Variants in ARHGAP24 observed in about 807,000 individuals in gnomAD.
The protein encoded by ARHGAP24 is rho GTPase-activating protein 24.
A neutral mutation model predicts 76.4 loss-of-function variants in ARHGAP24; 50 were observed. The ratio of observed to expected loss-of-function variants is 0.65; its 90% CI spans 0.52 to 0.83. The LOEUF (loss-of-function observed/expected upper bound fraction) is 0.83, where lower values mean the gene tolerates loss of function less well. Ranked by LOEUF, ARHGAP24 falls within the 40% of genes least tolerant of loss-of-function variation. The probability of loss-of-function intolerance (pLI) is 0.00; values close to 1 mark genes in which losing one functional copy is unlikely to be tolerated. For missense variants in ARHGAP24, 930 were observed against 914.2 expected (o/e 1.02, Z -0.22); for synonymous variants, 345 against 323.3 (o/e 1.07, Z -0.72).
At chr4:85,978,380 A>G (rs1450294302) in intron 8 of ARHGAP24, among the ~76,000 whole-genome samples, 1 of 152,106 alleles carries the variant, frequency 6.6e-6, no homozygotes, top group Non-Finnish European at 1.5e-5. Flanking sequence ...AGTCACCTGG[A>G]TTTTACTACC....
chr4:85,642,334 T>C (rs1721553584), intron 2 of ARHGAP24, among the ~76,000 whole-genome samples: 1 of 152,142 alleles, frequency 6.6e-6, no homozygotes, highest in African/African-American at 2.4e-5. Context: ...ATATATATTA[T>C]AATCTCACAC....
intron 3 of ARHGAP24, 81 bp downstream of exon 3, chr4:85,722,053 T>C: frequency 7.7e-7 from 1 of 1,295,934 alleles, no homozygotes; most frequent in Non-Finnish European, 1.1e-6. Flanking sequence ...GGTTTCATTC[T>C]TTTTTGAATC....
At chr4:85,624,196 C>T (rs947553019) in intron 2 of ARHGAP24, among the ~76,000 whole-genome samples, 4 of 152,112 alleles carry the variant, frequency 2.6e-5, no homozygotes, top group African/African-American at 9.7e-5. Flanking sequence ...AGTTTTTGCC[C>T]ATTCAGTATG....
rs1047751344 is a variant in ARHGAP24, at chr4:85,729,623, G to T, written c.268+7651G>T. Reference sequence around the variant, plus strand: ...ACCATCACTATTCGCTAGACCAGGGGCCAGCAAACCTTTTCTGGAAAGATC... The same window carrying T: ...ACCATCACTATTCGCTAGACCAGGGTCCAGCAAACCTTTTCTGGAAAGATC... On this transcript the variant is annotated intron_variant, in intron 3 of 9. Transcript: ENST00000395184. 2.6e-5 allele frequency among the ~76,000 whole-genome samples: 4 copies of T among 152,046 alleles called. No individual in the cohort carries two copies. The South Asian group carries it at 8.3e-4, about 32-fold the overall frequency.
chr4:85,510,621 T>G, intron 1 of ARHGAP24, among the ~76,000 whole-genome samples: 1 of 113,196 alleles, frequency 8.8e-6, no homozygotes. Flanking sequence ...TTCCCCTCCC[T>G]CCCCTGTCCT....
intron 3 of ARHGAP24, among the ~76,000 whole-genome samples, chr4:85,820,887 A>G (rs530885080): frequency 2.2e-4 from 33 of 152,272 alleles, no homozygotes; most frequent in Middle Eastern, 3.4e-3. Context: ...ACAAATATGT[A>G]CTTTCAAATA....
intron 3 of ARHGAP24, among the ~76,000 whole-genome samples, chr4:85,756,055 T>C (rs1309573646): frequency 6.6e-6 from 1 of 152,226 alleles, no homozygotes; most frequent in East Asian, 1.9e-4. Context: ...TAATAGATGA[T>C]ACAATACATT....
intron 2 of ARHGAP24, among the ~76,000 whole-genome samples, chr4:85,623,927 A>C (rs1720820467): frequency 6.6e-6 from 1 of 151,788 alleles, no homozygotes; most frequent in Non-Finnish European, 1.5e-5. Flanking sequence ...TGATTTTTGC[A>C]CAGTGATTTT....
intron 2 of ARHGAP24, among the ~76,000 whole-genome samples, chr4:85,669,644 AATATATATATATATATATATATAT>A (rs58332235): frequency 0.016 from 1,461 of 93,250 alleles, 59 homozygotes; most frequent in African/African-American, 0.049. Flanking sequence ...TGTACTTTCA[AATATATATATATATATATATATAT>A]ATATATATAT....
intron 3 of ARHGAP24, among the ~76,000 whole-genome samples, chr4:85,800,887 T>G (rs1728552401): frequency 6.6e-6 from 1 of 152,232 alleles, no homozygotes; most frequent in Non-Finnish European, 1.5e-5. Flanking sequence ...CATACTATTT[T>G]CAGTTGAAAG....
chr4:85,939,628 A>G (rs1736840900), intron 4 of ARHGAP24, among the ~76,000 whole-genome samples: 1 of 152,186 alleles, frequency 6.6e-6, no homozygotes, highest in African/African-American at 2.4e-5. Flanking sequence ...CTGCATGTAC[A>G]AGAAAGTAAA....
At chr4:85,477,215 C>T (rs1165350261) in intron 1 of ARHGAP24, among the ~76,000 whole-genome samples, 2 of 152,090 alleles carry the variant, frequency 1.3e-5, no homozygotes, top group African/African-American at 4.8e-5. Context: ...ATTCTTTCTG[C>T]ATGTGGAGGG....
intron 3 of ARHGAP24, among the ~76,000 whole-genome samples, chr4:85,815,710 G>C (rs1317715964): frequency 6.6e-6 from 1 of 152,136 alleles, no homozygotes; most frequent in Non-Finnish European, 1.5e-5. Flanking sequence ...CCTCCAAACT[G>C]TTCCAGCCTC....
chr4:85,747,899 A>G lies in ARHGAP24; in HGVS notation c.268+25927A>G, dbSNP rs73833233. ...AATAAGTAAAGAAGATTTGGAGGGG[A>G]CAATGTTTTAAAATTTTGTGAGTGA... On this transcript the variant is annotated intron_variant, in intron 3 of 9. Coordinates refer to ENST00000395184, the MANE Select transcript of ARHGAP24 (RefSeq NM_001025616.3). Among the ~76,000 whole-genome samples the G allele has an allele frequency of 9.9e-3, 1,514 of 152,358 alleles. 26 individuals carry two copies. Among genetic ancestry groups the G allele is most frequent in the African/African-American group, 0.034 (1,411 of 41,584 alleles).
intron 3 of ARHGAP24, among the ~76,000 whole-genome samples, chr4:85,729,419 C>T (rs576446469): frequency 1.3e-5 from 2 of 152,136 alleles, no homozygotes; most frequent in Admixed American, 6.5e-5. Flanking sequence ...TAACATGGTA[C>T]AAAGAACGTT....
chr4:85,937,093 C>T (rs1156399458), intron 4 of ARHGAP24, among the ~76,000 whole-genome samples: 2 of 152,104 alleles, frequency 1.3e-5, no homozygotes, highest in Admixed American at 6.6e-5. Flanking sequence ...CGGCATGATC[C>T]GATTGAAATA....
At chr4:85,694,430 A>G (rs1443278113) in intron 2 of ARHGAP24, among the ~76,000 whole-genome samples, 1 of 152,122 alleles carries the variant, frequency 6.6e-6, no homozygotes, top group Non-Finnish European at 1.5e-5. Flanking sequence ...TAGGACCTTT[A>G]TCTGTCCTAT....
intron 2 of ARHGAP24, among the ~76,000 whole-genome samples, chr4:85,610,073 G>A (rs1720328101): frequency 1.3e-5 from 2 of 152,114 alleles, no homozygotes; most frequent in Non-Finnish European, 2.9e-5. Context: ...GTCCCTGAGG[G>A]TGTAGACTAA....
intron 2 of ARHGAP24, among the ~76,000 whole-genome samples, chr4:85,591,030 GGTTTTTTTTTTTT>G (rs1728075352): frequency 8.2e-6 from 1 of 121,854 alleles, no homozygotes; most frequent in African/African-American, 3.2e-5. Context: ...AAATCTGCTG[GGTTTTTTTTTTTT>G]TTTTTTTTTT....
Sources: allele counts gnomAD v4.1 joint callset (sites outside exome capture counted in the v4.1 genomes callset), GRCh38; gene constraint gnomAD v4.1.1; transcripts MANE v1.5; gene names NCBI Gene and HGNC (gene_info 2026-07-23, HGNC 2026-07-21).